CDK17: variants seen among roughly 807,000 people sequenced by gnomAD.
CDK17 encodes cyclin dependent kinase 17, also known as cyclin-dependent kinase 17.
A neutral mutation model predicts 77.6 loss-of-function variants in CDK17; 24 were observed. The observed-to-expected ratio is 0.31, with a 90% CI of 0.22 to 0.44. The LOEUF (loss-of-function observed/expected upper bound fraction) is 0.44, where lower values mean the gene tolerates loss of function less well. Among genes scored for constraint, CDK17 ranks in the 20% least tolerant of loss-of-function variants. The pLI, the probability that CDK17 is intolerant of heterozygous loss-of-function variation, is 1.00. For synonymous variants in CDK17, 203 were observed against 210.4 expected (o/e 0.96, Z 0.30); for missense variants, 429 against 622.5 (o/e 0.69, Z 3.31).
chr12:96,316,247 C>T (rs1952715203), intron 3 of CDK17, among the ~76,000 whole-genome samples: 1 of 152,114 alleles, frequency 6.6e-6, no homozygotes, highest in Admixed American at 6.6e-5. Flanking sequence ...GCTTGTCAGA[C>T]CGGCTTAAAA....
chr12:96,292,462 T>C (rs1413450251), intron 10 of CDK17, among the ~76,000 whole-genome samples: 3 of 151,934 alleles, frequency 2.0e-5, no homozygotes, highest in Non-Finnish European at 4.4e-5. Flanking sequence ...AAAAATTAGC[T>C]GGGCGTGGTG....
chr12:96,365,457 T>C (rs574654229), intron 1 of CDK17, among the ~76,000 whole-genome samples: 1 of 152,168 alleles, frequency 6.6e-6, no homozygotes, highest in Non-Finnish European at 1.5e-5. Flanking sequence ...ATGCAAATCC[T>C]GTGTGTTCCT....
chr12:96,305,382 G>C (rs987493818), intron 5 of CDK17, among the ~76,000 whole-genome samples: 3 of 152,118 alleles, frequency 2.0e-5, no homozygotes, highest in Non-Finnish European at 4.4e-5. Context: ...CCTTAGTTGT[G>C]ACAAATGTAT....
chr12:96,295,166 T>C (rs1166726941), intron 9 of CDK17, 44 bp from the exon 10 acceptor site: 1 of 1,486,734 alleles, frequency 6.7e-7, no homozygotes, highest in Non-Finnish European at 9.2e-7. Flanking sequence ...AGATGAGACA[T>C]GCTTTAGTAT....
chr12:96,347,635 G>A (rs1184752214), intron 1 of CDK17, among the ~76,000 whole-genome samples: 2 of 87,158 alleles, frequency 2.3e-5, no homozygotes, highest in Admixed American at 1.1e-4. Context: ...AGGGAGGGGA[G>A]GGGAGGGGAG....
At chr12:96,384,634 A>C (rs1382594141) in intron 1 of CDK17, among the ~76,000 whole-genome samples, 2 of 152,218 alleles carry the variant, frequency 1.3e-5, no homozygotes, top group African/African-American at 2.4e-5. Flanking sequence ...GGAGACCATT[A>C]TCCTCAGTGA....
At chr12:96,379,980 G>C (rs1953849228) in intron 1 of CDK17, among the ~76,000 whole-genome samples, 1 of 151,182 alleles carries the variant, frequency 6.6e-6, no homozygotes, top group African/African-American at 2.4e-5. Flanking sequence ...ACCAGCCTGG[G>C]CAACACAGTG....
intron 1 of CDK17, among the ~76,000 whole-genome samples, chr12:96,398,389 G>GA (rs1437121110): frequency 1.3e-5 from 2 of 151,548 alleles, no homozygotes; most frequent in African/African-American, 4.9e-5. Flanking sequence ...CAACTCCTCA[G>GA]ACTCATAAAA....
intron 1 of CDK17, among the ~76,000 whole-genome samples, chr12:96,345,271 T>C (rs933995454): frequency 6.6e-6 from 1 of 152,220 alleles, no homozygotes; most frequent in Admixed American, 6.5e-5. Context: ...CTGTTGTGAA[T>C]AGTGCTGCAA....
chr12:96,384,561 G>C (rs565844052), intron 1 of CDK17, among the ~76,000 whole-genome samples: 26 of 152,290 alleles, frequency 1.7e-4, no homozygotes, highest in Non-Finnish European at 3.2e-4. Flanking sequence ...ACACACCATG[G>C]AGTACTGTAT....
At chr12:96,366,111 G>A (rs1207425117) in intron 1 of CDK17, among the ~76,000 whole-genome samples, 1 of 152,124 alleles carries the variant, frequency 6.6e-6, no homozygotes, top group African/African-American at 2.4e-5. Context: ...TTCAGACACC[G>A]GGAAGGCCAA....
chr12:96,279,888 T>C lies in CDK17; in HGVS notation c.*354A>G, dbSNP rs530889392. On this transcript the variant is annotated 3_prime_UTR_variant, in exon 17 of 17. Coordinates refer to ENST00000261211, the MANE Select transcript of CDK17 (RefSeq NM_002595.5). ...CACTGCAACTTCTTCAGGCATTCAATTGTTGTGTTAAATAAACAGACAGTA... is the reference window on the plus strand; with the variant it reads ...CACTGCAACTTCTTCAGGCATTCAACTGTTGTGTTAAATAAACAGACAGTA... 3.7e-5 allele frequency: 7 copies of C among 188,724 alleles called. No homozygotes were observed. The East Asian group carries it at 6.3e-4, about 17-fold the overall frequency. 11.7% of individuals were successfully genotyped at this position (188,724 alleles called of 1,614,324 possible). A position where few individuals can be genotyped will look rare whatever the true frequency, so the allele number is the denominator to read the frequency against.
chr12:96,386,061 G>T (rs1359704069), intron 1 of CDK17, among the ~76,000 whole-genome samples: 2 of 152,200 alleles, frequency 1.3e-5, no homozygotes, highest in African/African-American at 4.8e-5. Context: ...ACTCTGTCAC[G>T]CTGGCTGGGG....
intron 1 of CDK17, among the ~76,000 whole-genome samples, chr12:96,359,474 T>C (rs1410676323): frequency 2.6e-5 from 4 of 152,202 alleles, no homozygotes; most frequent in Admixed American, 2.6e-4. Context: ...GGATAAACAG[T>C]GGCAAAGTAC....
chr12:96,364,451 A>T (rs1464866109), intron 1 of CDK17, among the ~76,000 whole-genome samples: 1 of 152,212 alleles, frequency 6.6e-6, no homozygotes, highest in Non-Finnish European at 1.5e-5. Flanking sequence ...TGAACAGTAT[A>T]TCACCATAAT....
chr12:96,369,484 T>TA (rs34782435), intron 1 of CDK17, among the ~76,000 whole-genome samples: 20,772 of 152,194 alleles, frequency 0.14, 1,743 homozygotes, highest in South Asian at 0.23. Flanking sequence ...GATTTCTTTT[T>TA]AAAAAAATGT....
chr12:96,377,200 A>G (rs771131916), intron 1 of CDK17, among the ~76,000 whole-genome samples: 5 of 152,242 alleles, frequency 3.3e-5, no homozygotes, highest in Non-Finnish European at 7.3e-5. Context: ...CACAAGTATT[A>G]GAAGAAAATG....
At chr12:96,381,780 T>C (rs1330141413) in intron 1 of CDK17, among the ~76,000 whole-genome samples, 4 of 151,800 alleles carry the variant, frequency 2.6e-5, no homozygotes, top group Non-Finnish European at 4.4e-5. Flanking sequence ...TTTTTTTTAT[T>C]ATATAACAAC....
At chr12:96,310,330 T>C (rs61940687) in intron 5 of CDK17, among the ~76,000 whole-genome samples, 4,331 of 152,134 alleles carry the variant, frequency 0.028, 102 homozygotes, top group Middle Eastern at 0.048. Context: ...ACATAAAATA[T>C]ATTTTAATAT....
Sources: allele counts gnomAD v4.1 joint callset (sites outside exome capture counted in the v4.1 genomes callset), GRCh38; gene constraint gnomAD v4.1.1; transcripts MANE v1.5; gene names NCBI Gene and HGNC (gene_info 2026-07-23, HGNC 2026-07-21).